PGLYRP3: variants seen among roughly 807,000 people sequenced by gnomAD.
PGLYRP3 encodes peptidoglycan recognition protein I alpha.
In PGLYRP3, 39 loss-of-function variants were observed where a neutral mutation model predicts 36.0. The observed-to-expected ratio is 1.08, with a 90% CI of 0.84 to 1.41. The LOEUF is 1.41. Among genes scored for constraint, PGLYRP3 ranks in the 40% most tolerant of loss-of-function variants. The pLI is 0.00. For missense variants in PGLYRP3, 407 were observed against 427.9 expected (o/e 0.95, Z 0.43); for synonymous variants, 204 against 172.8 (o/e 1.18, Z -1.42).
At position 153,304,943 on chromosome 1, in the gene PGLYRP3, T is replaced by A; in HGVS notation, c.376+4A>T. ...GCACAGGGTCCGCAGGGAGTGACCC[T>A]TACCTATCTTATTGCCAAAGAAGGC... On this transcript the variant is annotated splice_donor_region_variant and intron_variant, in intron 4 of 7. Transcript: ENST00000683862. 3 of 1,611,878 alleles carry A rather than the reference T, an allele frequency of 1.9e-6. No homozygotes were observed. Among genetic ancestry groups the A allele is most frequent in the Non-Finnish European group, 2.5e-6 (3 of 1,178,448 alleles).
chr1:153,305,023 G>T lies in PGLYRP3; in HGVS notation c.300C>A (p.Gly100=). The change falls in exon 4 of 8, where the codon GGC becomes GGA. Residue 100 remains glycine (G), a synonymous_variant. Transcript: ENST00000683862. ...GDDGRVYEGV[G]WNIQGLHTQG... is the part of the protein sequence containing the mutation. The stretch of plus-strand genomic sequence containing the variant: ...GGGTGTGCAAGCCTTGGATGTTCCA[G>T]CCAACACCTTCATACACCCTGCCAT... 6.2e-7 allele frequency: 1 copy of T among 1,613,804 alleles called. No individual in the cohort carries two copies. Among genetic ancestry groups the T allele is most frequent in the Non-Finnish European group, 8.5e-7 (1 of 1,179,842 alleles).
chr1:153,300,969 C>T lies in PGLYRP3; in HGVS notation c.728+1440G>A, dbSNP rs184566186. Among the ~76,000 whole-genome samples the T allele has an allele frequency of 2.0e-5, 3 of 152,354 alleles. No homozygotes were observed. In the East Asian group the frequency reaches 5.8e-4, roughly 29 times the overall value. ...TCACTCTGTTGCTCAGGCTGAAGGGCAGTGGCACAACCATGACTCACTGCA... is the reference window on the plus strand; with the variant it reads ...TCACTCTGTTGCTCAGGCTGAAGGGTAGTGGCACAACCATGACTCACTGCA... On this transcript the variant is annotated intron_variant, in intron 6 of 7. Transcript: ENST00000683862.
chr1:153,305,674 T>C (rs1466292373), intron 3 of PGLYRP3, among the ~76,000 whole-genome samples: 1 of 152,244 alleles, frequency 6.6e-6, no homozygotes, highest in Non-Finnish European at 1.5e-5. Flanking sequence ...GCCGTATTCA[T>C]CTTTTAATAG....
Position 153,299,029 on chromosome 1 carries a change from G to A in PGLYRP3, c.847+84C>T, listed in dbSNP as rs911241275. Reference sequence around the variant, plus strand: ...CCATTCACACTGCCAGGCACTACAGGGCTGCCTTTCCCGCCATGCTTCCCA... The same window carrying A: ...CCATTCACACTGCCAGGCACTACAGAGCTGCCTTTCCCGCCATGCTTCCCA... On this transcript the variant is annotated intron_variant, in intron 7 of 7. Coordinates refer to ENST00000683862, the MANE Select transcript of PGLYRP3 (RefSeq NM_052891.3). 57 of 1,103,416 alleles carry A rather than the reference G, an allele frequency of 5.2e-5. No homozygotes were observed. In the Admixed American group the frequency reaches 9.7e-4, roughly 19 times the overall value. 68.4% of individuals were successfully genotyped at this position (1,103,416 alleles called of 1,614,324 possible).
In PGLYRP3 at chr1:153,302,459, G is replaced by T. The variant is rs147097803; in HGVS notation, c.678C>A (p.Asn226Lys). Residue 226 changes from asparagine (N) to lysine (K), a missense_variant, in exon 6 of 8, where the codon AAC becomes AAA. Physicochemically the swap from Asn to Lys is moderately conservative, Grantham distance 94 (BLOSUM62 0). Coordinates refer to ENST00000683862, the MANE Select transcript of PGLYRP3 (RefSeq NM_052891.3). ...GTGTGTCCATGTGAAAGGACTGTATGTTTCGGACGACAGTCTGGCAGTCTG... is the reference window on the plus strand; with the variant it reads ...GTGTGTCCATGTGAAAGGACTGTATTTTTCGGACGACAGTCTGGCAGTCTG... ...VSTDCQTVVR[N>K]IQSFHMDTRN... 5.9e-5 allele frequency: 95 copies of T among 1,614,220 alleles called. No homozygotes were observed. In the African/African-American group the frequency reaches 9.2e-4, roughly 16 times the overall value.
At chr1:153,304,886 G>C in intron 4 of PGLYRP3, 61 bp downstream of exon 4, 1 of 1,247,154 alleles carries the variant, frequency 8.0e-7, no homozygotes, top group Non-Finnish European at 1.1e-6. Flanking sequence ...TGACCCTTGG[G>C]AGTGGAGGAA....
Position 153,310,005 on chromosome 1 carries a change from G to A in PGLYRP3, c.55+606C>T, listed in dbSNP as rs140075544. ...GCTATATTACATTTTTCCTTCCGAAGGGGGTCTGTGTATGTAAAACAAACT... is the reference window on the plus strand; with the variant it reads ...GCTATATTACATTTTTCCTTCCGAAAGGGGTCTGTGTATGTAAAACAAACT... On this transcript the variant is annotated intron_variant, in intron 2 of 7. Transcript: ENST00000683862. 4.9e-3 allele frequency among the ~76,000 whole-genome samples: 740 copies of A among 152,310 alleles called. 7 individuals carry two copies. Among genetic ancestry groups the A allele is most frequent in the African/African-American group, 0.017 (716 of 41,560 alleles).
At chr1:153,300,820 CT>C (rs1289836537) in intron 6 of PGLYRP3, among the ~76,000 whole-genome samples, 6 of 152,232 alleles carry the variant, frequency 3.9e-5, no homozygotes, top group Non-Finnish European at 7.3e-5. Context: ...GCCTGAACCT[CT>C]TTGGATATGC....
At position 153,305,030 on chromosome 1, in the gene PGLYRP3, C is replaced by T; in HGVS notation, c.293G>A (p.Gly98Asp). ...LVGDDGRVYE[G>D]VGWNIQGLHT... ...CAAGCCTTGGATGTTCCAGCCAACA[C>T]CTTCATACACCCTGCCATCATCCCC... is the stretch of plus-strand genomic sequence containing the variant. Residue 98 changes from glycine to aspartate, a missense_variant, in exon 4 of 8, where the codon GGT (glycine) becomes GAT (aspartate). Transcript: ENST00000683862. 2 of 1,613,706 alleles carry T rather than the reference C, an allele frequency of 1.2e-6. No individual in the cohort carries two copies. The highest frequency in any genetic ancestry group is 1.7e-5 in the Admixed American group (1 of 59,942).
In PGLYRP3 at chr1:153,302,594, G is replaced by A; in HGVS notation, c.543C>T (p.Ile181=). ...PVMPRKVCPN[I]IKRSAWEARE... Reference sequence around the variant, plus strand: ...TGGCTTCCCAAGCAGATCGTTTGATGATGTTGGGGCAAACTGTGGTAAAAT... The same window carrying A: ...TGGCTTCCCAAGCAGATCGTTTGATAATGTTGGGGCAAACTGTGGTAAAAT... The change falls in exon 6 of 8, where the codon ATC becomes ATT. Residue 181 remains isoleucine (I), a synonymous_variant. Transcript: ENST00000683862. 3 of 1,614,142 alleles carry A rather than the reference G, an allele frequency of 1.9e-6. No individual in the cohort carries two copies. Among genetic ancestry groups the A allele is most frequent in the Non-Finnish European group, 2.5e-6 (3 of 1,180,036 alleles).
At chr1:153,307,350 T>C (rs1659770482) in intron 2 of PGLYRP3, 83 bp from the exon 3 acceptor site, 19 of 1,367,692 alleles carry the variant, frequency 1.4e-5, no homozygotes, top group Non-Finnish European at 1.9e-5. Flanking sequence ...TGACCTCTCA[T>C]GCTCAGGCCC....
chr1:153,311,653 G>A lies in PGLYRP3; in HGVS notation c.-41-947C>T, dbSNP rs1318442934. Reference sequence around the variant, plus strand: ...AGTCAGACTGAAACTTTAGCTGTATGAGCTACCACCCAAAACATCAACTTT... The same window carrying A: ...AGTCAGACTGAAACTTTAGCTGTATAAGCTACCACCCAAAACATCAACTTT... On this transcript the variant is annotated intron_variant, in intron 1 of 7. Coordinates refer to ENST00000683862, the MANE Select transcript of PGLYRP3 (RefSeq NM_052891.3). 2.0e-5 allele frequency among the ~76,000 whole-genome samples: 3 copies of A among 152,184 alleles called. No homozygotes were observed. In the South Asian group the frequency reaches 6.2e-4, roughly 32 times the overall value.
intron 6 of PGLYRP3, among the ~76,000 whole-genome samples, chr1:153,299,663 C>T (rs1037419529): frequency 5.9e-5 from 9 of 152,166 alleles, no homozygotes; most frequent in African/African-American, 2.2e-4. Context: ...GGTGCTCCTC[C>T]GCACTCTAGT....
intron 1 of PGLYRP3, among the ~76,000 whole-genome samples, chr1:153,311,480 T>G (rs1659894930): frequency 6.6e-6 from 1 of 152,188 alleles, no homozygotes; most frequent in Non-Finnish European, 1.5e-5. Context: ...CCAGAGCCTC[T>G]GCCTGAAACT....
intron 1 of PGLYRP3, among the ~76,000 whole-genome samples, chr1:153,312,217 C>G (rs1315377027): frequency 2.6e-5 from 4 of 152,212 alleles, no homozygotes; most frequent in Non-Finnish European, 5.9e-5. Context: ...CTGATAATGT[C>G]TCCAATCCAC....
chr1:153,307,477 T>TCGTGC (rs1245824141), intron 2 of PGLYRP3, among the ~76,000 whole-genome samples: 2 of 152,022 alleles, frequency 1.3e-5, no homozygotes, highest in African/African-American at 4.8e-5. Context: ...GCCTGGGAAG[T>TCGTGC]CGTGCCGCCT....
At chr1:153,302,718 C>T in intron 5 of PGLYRP3, 111 bp from the exon 6 acceptor site, 1 of 967,774 alleles carries the variant, frequency 1.0e-6, no homozygotes, top group Non-Finnish European at 1.6e-6. Context: ...CTCCAGCACC[C>T]ACGGGCACAT....
Position 153,307,140 on chromosome 1 carries a change from G to A in PGLYRP3, c.183C>T (p.Ser61=), listed in dbSNP as rs145241259. Residue 61 remains serine, a synonymous_variant, in exon 3 of 8, where the codon AGC becomes AGT. Coordinates refer to ENST00000683862, the MANE Select transcript of PGLYRP3 (RefSeq NM_052891.3). ...QLPGMQCQQQ[S]VCSQMLRGLQ... is the part of the protein sequence containing the mutation. ...ACCCCCGCAGCATCTGGCTGCAAAC[G>A]CTCTGCTGCTGGCACTGCATCCCTG... 10 of 1,612,652 alleles carry A rather than the reference G, an allele frequency of 6.2e-6. No individual in the cohort carries two copies. The highest frequency in any genetic ancestry group is 2.2e-5 in the East Asian group (1 of 44,852).
chr1:153,303,988 G>A lies in PGLYRP3; in HGVS notation c.398C>T (p.Ala133Val), dbSNP rs758537295. The A allele has an allele frequency of 1.2e-6, 2 of 1,613,768 alleles. No individual in the cohort carries two copies. Among genetic ancestry groups the A allele is most frequent in the Non-Finnish European group, 1.7e-6 (2 of 1,179,762 alleles). The change falls in exon 5 of 8, where the codon GCC (alanine) becomes GTC (valine). Residue 133 changes from alanine to valine, a missense_variant. Transcript: ENST00000683862. ...NKIGSSPSPAALSAAEGLISY... is the reference protein window; with the variant it reads ...NKIGSSPSPAVLSAAEGLISY... ...GATCAGACCCTCTGCAGCTGATAAG[G>A]CAGCAGGGCTGGGACTGCTGCCTTA...
Sources: allele counts gnomAD v4.1 joint callset (sites outside exome capture counted in the v4.1 genomes callset), GRCh38; gene constraint gnomAD v4.1.1; transcripts MANE v1.5; gene names NCBI Gene and HGNC (gene_info 2026-07-23, HGNC 2026-07-21).